PCDHA4: variants seen among roughly 807,000 people sequenced by gnomAD.
PCDHA4 encodes the protein protocadherin alpha-4.
In PCDHA4, 49 loss-of-function variants were observed where a neutral mutation model predicts 61.4. That is an observed-to-expected ratio of 0.80 (90% CI 0.63 to 1.01). PCDHA4 has a LOEUF of 1.01. Among genes scored for constraint, PCDHA4 ranks in the 50% least tolerant of loss-of-function variants. The probability of loss-of-function intolerance (pLI) is 0.00; values close to 1 mark genes in which losing one functional copy is unlikely to be tolerated. For missense variants in PCDHA4, 1,254 were observed against 1,235.8 expected (o/e 1.01, Z -0.22); for synonymous variants, 590 against 550.3 (o/e 1.07, Z -1.01).
chr5:140,870,305 A>G lies in PCDHA4; in HGVS notation c.2385+60733A>G, dbSNP rs201733980. 1.4e-4 allele frequency: 226 copies of G among 1,614,156 alleles called. No homozygotes were observed. In the African/African-American group the frequency reaches 2.3e-3, roughly 17 times the overall value. On this transcript the variant is annotated intron_variant, in intron 1 of 3. Transcript: ENST00000530339. ...CCCTTCAAGCTGGTGTCCACCTTCA[A>G]GAATTACTACTCGTTGGTGCTGGAC...
At chr5:140,901,060 A>AT (rs542927280) in intron 1 of PCDHA4, among the ~76,000 whole-genome samples, 21 of 151,128 alleles carry the variant, frequency 1.4e-4, no homozygotes, top group African/African-American at 3.2e-4. Flanking sequence ...AGATTATTAG[A>AT]TTTTTTTTTC....
At chr5:140,849,651 A>T (rs2041019666) in intron 1 of PCDHA4, 1 of 1,598,758 alleles carries the variant, frequency 6.3e-7, no homozygotes, top group Non-Finnish European at 8.6e-7. Flanking sequence ...CGGGCAGGTT[A>T]CCTGCTCCCT....
intron 1 of PCDHA4, among the ~76,000 whole-genome samples, chr5:140,913,855 T>C (rs1554196077): frequency 6.6e-6 from 1 of 152,220 alleles, no homozygotes; most frequent in Admixed American, 6.5e-5. Context: ...TTCAGGAGCA[T>C]ATTGTTTAAT....
chr5:140,864,619 T>A (rs895390232), intron 1 of PCDHA4: 2 of 152,222 alleles, frequency 1.3e-5, no homozygotes, highest in African/African-American at 4.8e-5. Flanking sequence ...TGTTCTTTTT[T>A]AAAAAGAAAA....
chr5:140,877,674 G>T (rs2057278019), intron 1 of PCDHA4: 2 of 1,613,630 alleles, frequency 1.2e-6, no homozygotes, highest in East Asian at 4.5e-5. Flanking sequence ...GGTGCGCGCC[G>T]GGCAAGCCCA....
chr5:140,927,254 C>T, intron 1 of PCDHA4: 2 of 1,614,132 alleles, frequency 1.2e-6, no homozygotes, highest in Non-Finnish European at 1.7e-6. Flanking sequence ...AATGACAACT[C>T]ACCTCTCTTT....
At chr5:140,985,020 C>G (rs1361661147) in intron 3 of PCDHA4, among the ~76,000 whole-genome samples, 1 of 152,110 alleles carries the variant, frequency 6.6e-6, no homozygotes, top group Non-Finnish European at 1.5e-5. Flanking sequence ...TCACAGCAAC[C>G]TCTGCCTCCT....
intron 1 of PCDHA4, chr5:140,842,865 G>T (rs146195620): frequency 0.01 from 16,276 of 1,593,984 alleles, 1,624 homozygotes; most frequent in Non-Finnish European, 0.012. Flanking sequence ...ACGGAGAGCG[G>T]CAAGGTGTAC....
intron 1 of PCDHA4, chr5:140,829,034 T>G: frequency 6.2e-7 from 1 of 1,613,244 alleles, no homozygotes; most frequent in Non-Finnish European, 8.5e-7. Flanking sequence ...ACAAGAAAAC[T>G]TATACAAAAT....
At chr5:140,884,509 T>C (rs781917095) in intron 1 of PCDHA4, 3 of 1,612,704 alleles carry the variant, frequency 1.9e-6, no homozygotes, top group Non-Finnish European at 1.7e-6. Flanking sequence ...CGGCAGGGAG[T>C]TGGTCGTACT....
Position 140,807,778 on chromosome 5 carries a change from G to C in PCDHA4, c.591G>C (p.Arg197=). Residue 197 remains arginine, a synonymous_variant, in exon 1 of 4, where the codon CGG becomes CGC. Coordinates refer to ENST00000530339, the MANE Select transcript of PCDHA4 (RefSeq NM_018907.4). ...TAAAAGGTCTTGGGCTTATATTACG[G>C]AAATCTTTAGACAGAGAAGAAGCTC... ...ELVKGLGLIL[R]KSLDREEAPE... The C allele has an allele frequency of 6.2e-7, 1 of 1,614,134 alleles. No individual in the cohort carries two copies. Among genetic ancestry groups the C allele is most frequent in the Non-Finnish European group, 8.5e-7 (1 of 1,180,036 alleles).
intron 1 of PCDHA4, chr5:140,868,929 AG>A: frequency 9.3e-7 from 1 of 1,070,938 alleles, no homozygotes; most frequent in Non-Finnish European, 1.3e-6. Context: ...GTTCATTTAA[AG>A]GTTGGTCTGA....
chr5:140,902,530 G>A (rs569387885), intron 1 of PCDHA4, among the ~76,000 whole-genome samples: 11 of 152,144 alleles, frequency 7.2e-5, no homozygotes, highest in African/African-American at 2.7e-4. Flanking sequence ...TTATTATGTT[G>A]AGGTATGTTC....
At chr5:140,821,208 T>A (rs879956667) in intron 1 of PCDHA4, among the ~76,000 whole-genome samples, 1 of 152,160 alleles carries the variant, frequency 6.6e-6, no homozygotes, top group Non-Finnish European at 1.5e-5. Flanking sequence ...AAGTTTTAAT[T>A]AGATATGTTT....
chr5:140,952,952 G>C (rs1477546132), intron 1 of PCDHA4, among the ~76,000 whole-genome samples: 1 of 151,924 alleles, frequency 6.6e-6, no homozygotes, highest in Non-Finnish European at 1.5e-5. Context: ...GAGAGAAGGG[G>C]GAAGTGATAC....
chr5:140,891,399 C>T (rs979878059), intron 1 of PCDHA4, among the ~76,000 whole-genome samples: 12 of 151,644 alleles, frequency 7.9e-5, no homozygotes, highest in African/African-American at 2.4e-4. Context: ...TTTTATCCCT[C>T]GCCACCCCCC....
intron 1 of PCDHA4, chr5:140,825,526 G>C (rs1372499626): frequency 4.6e-5 from 7 of 151,322 alleles, no homozygotes; most frequent in Non-Finnish European, 8.8e-5. Flanking sequence ...CCAGGTTCAA[G>C]CGATTCTCCT....
Position 140,828,413 on chromosome 5 carries a change from G to A in PCDHA4, c.2385+18841G>A, listed in dbSNP as rs2150155063. ...CGCGGAGTGCAGCATCCACCTGGAG[G>A]TGATCGTGGACAGGCCGCTGCAGGT... is the stretch of plus-strand genomic sequence containing the variant. On this transcript the variant is annotated intron_variant, in intron 1 of 3. Transcript: ENST00000530339. 3.3e-5 allele frequency: 54 copies of A among 1,614,278 alleles called. No homozygotes were observed. The Admixed American group carries it at 8.7e-4, about 26-fold the overall frequency.
At position 140,807,168 on chromosome 5, in the gene PCDHA4, C is replaced by T. The variant is rs1236129889; in HGVS notation, c.-20C>T. The T allele has an allele frequency of 1.4e-5, 22 of 1,606,354 alleles. 1 individual carries two copies. Among genetic ancestry groups the T allele is most frequent in the Non-Finnish European group, 1.9e-5 (22 of 1,176,138 alleles). ...TTTGAGAAACGATATTTAATCAGAA[C>T]AAAATACTGTGCACTAAAGATGGAG... On this transcript the variant is annotated 5_prime_UTR_variant, in exon 1 of 4. Transcript: ENST00000530339.
Sources: allele counts gnomAD v4.1 joint callset (sites outside exome capture counted in the v4.1 genomes callset), GRCh38; gene constraint gnomAD v4.1.1; transcripts MANE v1.5; gene names NCBI Gene and HGNC (gene_info 2026-07-23, HGNC 2026-07-21).